The following ORC3 variants were observed in gnomAD, a reference collection of about 807,000 sequenced individuals.
ORC3 encodes the protein origin recognition complex subunit 3, also known as homolog of latheo, Drosophila.
Under a neutral mutation model 100.7 loss-of-function variants are expected in ORC3, and 78 were observed. The observed-to-expected ratio is 0.77, with a 90% CI of 0.65 to 0.94. ORC3 has a LOEUF of 0.94. ORC3 is among the 40% of genes least tolerant of loss of function. The probability of loss-of-function intolerance (pLI) is 0.00; values close to 1 mark genes in which losing one functional copy is unlikely to be tolerated. For missense variants in ORC3, 789 were observed against 823.9 expected, an observed-to-expected ratio of 0.96 and a Z score of 0.52; for synonymous variants, 295 against 289.3, an observed-to-expected ratio of 1.02 and a Z score of -0.20.
intron 5 of ORC3, among the ~76,000 whole-genome samples, chr6:87,607,418 G>A (rs28381481): frequency 6.6e-6 from 1 of 151,388 alleles, no homozygotes; most frequent in Non-Finnish European, 1.5e-5. Context: ...GCAACAGAGC[G>A]AGACTCCATC....
intron 9 of ORC3, among the ~76,000 whole-genome samples, chr6:87,617,596 TG>T (rs1289338820): frequency 2.0e-5 from 3 of 151,968 alleles, no homozygotes; most frequent in Non-Finnish European, 4.4e-5. Flanking sequence ...AAGCCAGGCG[TG>T]GTGGCTTATT....
rs1778121189 is a variant in ORC3 at position 87,603,521 on chromosome 6, T to C, written c.315T>C (p.Leu105=). The change falls in exon 4 of 20, where the codon CTT becomes CTC. Residue 105 remains leucine (L), a synonymous_variant. Transcript: ENST00000392844. ...IKLREIPTAA[L]VLGVNVTDHD... ...TCAGAGAAATTCCAACTGCTGCTCT[T>C]GTTCTTGGTATATATGCGTATGTTT... The C allele has an allele frequency of 6.6e-7, 1 of 1,514,880 alleles. No individual in the cohort carries two copies. The highest frequency in any genetic ancestry group is 2.3e-5 in the East Asian group (1 of 43,896). The allele number at this position is 1,514,880 out of a possible 1,614,324, so 93.8% of individuals were successfully genotyped here.
intron 14 of ORC3, among the ~76,000 whole-genome samples, chr6:87,655,682 A>G (rs1769631317): frequency 6.6e-6 from 1 of 150,692 alleles, no homozygotes; most frequent in African/African-American, 2.4e-5. Context: ...TTTTTTTTTA[A>G]ATAGAGACAG....
chr6:87,607,289 G>A (rs1317944905), intron 5 of ORC3, among the ~76,000 whole-genome samples: 26 of 152,022 alleles, frequency 1.7e-4, no homozygotes, highest in Admixed American at 1.7e-3. Flanking sequence ...AATTAGCTGG[G>A]TATGGTGGCA....
At chr6:87,599,968 G>A (rs1562319128) in intron 2 of ORC3, among the ~76,000 whole-genome samples, 1 of 152,090 alleles carries the variant, frequency 6.6e-6, no homozygotes, top group Non-Finnish European at 1.5e-5. Flanking sequence ...GCGAGACCCT[G>A]TCTCAAATAA....
intron 5 of ORC3, 57 bp from the exon 6 acceptor site, chr6:87,607,616 T>G: frequency 2.1e-6 from 3 of 1,411,372 alleles, no homozygotes; most frequent in Non-Finnish European, 2.9e-6. Flanking sequence ...TTCAAGAGCT[T>G]TGGTTTTATT....
At chr6:87,659,058 ATTTTTTTTTTTTT>A (rs71021316) in intron 16 of ORC3, among the ~76,000 whole-genome samples, 1 of 93,276 alleles carries the variant, frequency 1.1e-5, no homozygotes, top group African/African-American at 5.0e-5. Context: ...GTTTATTGTA[ATTTTTTTTTTTTT>A]TTTTTTTTTT....
At chr6:87,604,446 G>C (rs1439096789) in intron 4 of ORC3, among the ~76,000 whole-genome samples, 1 of 152,098 alleles carries the variant, frequency 6.6e-6, no homozygotes, top group African/African-American at 2.4e-5. Flanking sequence ...ATTATGCTGT[G>C]GACCAGCTTT....
chr6:87,617,944 A>G (rs549672193), intron 9 of ORC3, among the ~76,000 whole-genome samples: 1 of 152,288 alleles, frequency 6.6e-6, no homozygotes, highest in African/African-American at 2.4e-5. Flanking sequence ...TTTAAAGAGT[A>G]TTTTAAAAGA....
chr6:87,663,158 T>G lies in ORC3; in HGVS notation c.1833+14T>G. The G allele has an allele frequency of 3.7e-6, 6 of 1,600,558 alleles. No individual in the cohort carries two copies. The highest frequency in any genetic ancestry group is 4.3e-6 in the Non-Finnish European group (5 of 1,169,638). On this transcript the variant is annotated intron_variant, in intron 17 of 19. Coordinates refer to ENST00000392844, the MANE Select transcript of ORC3 (RefSeq NM_012381.4). The stretch of plus-strand genomic sequence containing the variant: ...TATTATCTCAAGGTAAGATGAACAT[T>G]TAGTTTTCTGATAGTTTAGCTCAGA...
chr6:87,607,915 A>C, intron 6 of ORC3, 91 bp downstream of exon 6: 1 of 800,718 alleles, frequency 1.2e-6, no homozygotes, highest in Non-Finnish European at 1.9e-6. Context: ...TTGATCTAAC[A>C]AGGATATGTT....
At position 87,667,349 on chromosome 6, in the gene ORC3, C is replaced by T. The variant is rs1770718575; in HGVS notation, c.*226C>T. 2.6e-6 allele frequency: 1 copy of T among 391,398 alleles called. No individual in the cohort carries two copies. Among genetic ancestry groups the T allele is most frequent in the African/African-American group, 2.1e-5 (1 of 48,388 alleles). 24.2% of individuals were successfully genotyped at this position (391,398 alleles called of 1,614,324 possible). A position where few individuals can be genotyped will look rare whatever the true frequency, so the allele number is the denominator to read the frequency against. The stretch of plus-strand genomic sequence containing the variant: ...ATAATAATGTAACTAAAACTGCTCA[C>T]ACATTTTACTGTACTTTCCAAAGTC... On this transcript the variant is annotated 3_prime_UTR_variant, in exon 20 of 20. Coordinates refer to ENST00000392844, the MANE Select transcript of ORC3 (RefSeq NM_012381.4).
chr6:87,622,149 G>T, intron 11 of ORC3, 136 bp downstream of exon 11: 2 of 553,978 alleles, frequency 3.6e-6, no homozygotes, highest in East Asian at 3.2e-5. Flanking sequence ...GGTCTTGATA[G>T]TCACCTAGGA....
At chr6:87,656,711 C>T (rs957491035) in intron 14 of ORC3, among the ~76,000 whole-genome samples, 195 bp from the exon 15 acceptor site, 1 of 151,930 alleles carries the variant, frequency 6.6e-6, no homozygotes, top group Non-Finnish European at 1.5e-5. Context: ...TTTTTGAAGA[C>T]ATCACTACAG....
At chr6:87,606,110 T>G in intron 5 of ORC3, 89 bp downstream of exon 5, 7 of 776,378 alleles carry the variant, frequency 9.0e-6, no homozygotes, top group Non-Finnish European at 6.6e-6. Context: ...CTTTATCCCT[T>G]TTTTTGGTGG....
chr6:87,626,025 G>A (rs558893610), intron 11 of ORC3, among the ~76,000 whole-genome samples: 2 of 152,284 alleles, frequency 1.3e-5, no homozygotes, highest in South Asian at 4.1e-4. Context: ...TGAGGCCTCT[G>A]TTCTGTTCCA....
chr6:87,628,497 G>T (rs1431861643), intron 11 of ORC3, among the ~76,000 whole-genome samples: 1 of 152,170 alleles, frequency 6.6e-6, no homozygotes, highest in Non-Finnish European at 1.5e-5. Flanking sequence ...GCAGGTGACA[G>T]TTGAAGTTTT....
At chr6:87,642,500 T>C (rs891880863) in intron 13 of ORC3, among the ~76,000 whole-genome samples, 1 of 151,380 alleles carries the variant, frequency 6.6e-6, no homozygotes, top group Admixed American at 6.6e-5. Context: ...GGAGAATCAA[T>C]TGAATCCGGG....
At chr6:87,670,715 A>T (rs1770814943), downstream of ORC3, among the ~76,000 whole-genome samples, 1 of 152,210 alleles carries the variant, frequency 6.6e-6, no homozygotes, top group African/African-American at 2.4e-5. Flanking sequence ...AGTAGGGTGA[A>T]ATACATTCAA....
Sources: allele counts gnomAD v4.1 joint callset (sites outside exome capture counted in the v4.1 genomes callset), GRCh38; gene constraint gnomAD v4.1.1; transcripts MANE v1.5; gene names NCBI Gene and HGNC (gene_info 2026-07-23, HGNC 2026-07-21).